Variants in ENPP2 observed in about 807,000 individuals in gnomAD.
ENPP2 encodes ectonucleotide pyrophosphatase/phosphodiesterase 2.
A neutral mutation model predicts 120.2 loss-of-function variants in ENPP2; 51 were observed. That is an observed-to-expected ratio of 0.42 (90% CI 0.34 to 0.54). The LOEUF (loss-of-function observed/expected upper bound fraction) is 0.54. Ranked by LOEUF, ENPP2 falls within the 20% of genes least tolerant of loss-of-function variation. The pLI is 0.04. For synonymous variants in ENPP2, 365 were observed against 366.4 expected (o/e 1.00, Z 0.04); for missense variants, 920 against 1,066.5 (o/e 0.86, Z 1.91).
chr8:119,584,511 A>G (rs766617458), intron 15 of ENPP2, among the ~76,000 whole-genome samples: 2 of 152,232 alleles, frequency 1.3e-5, no homozygotes, highest in African/African-American at 2.4e-5. Flanking sequence ...AAAATTTAAA[A>G]TAAAATAAAT....
upstream of ENPP2, among the ~76,000 whole-genome samples, chr8:119,643,311 C>T (rs1817337843): frequency 2.0e-5 from 3 of 152,258 alleles, no homozygotes; most frequent in South Asian, 6.2e-4. Context: ...CAATTGCTCC[C>T]ACAATCCAGG....
chr8:119,662,681 C>A (rs1240435313), intron 1 of ENPP2, among the ~76,000 whole-genome samples: 2 of 152,208 alleles, frequency 1.3e-5, no homozygotes, highest in Non-Finnish European at 2.9e-5. Context: ...AAAACTTTGA[C>A]ACGTGCTGGA....
chr8:119,616,845 T>C (rs1815488961), intron 7 of ENPP2, among the ~76,000 whole-genome samples: 2 of 152,200 alleles, frequency 1.3e-5, no homozygotes, highest in Admixed American at 6.5e-5. Flanking sequence ...AATTAAAATA[T>C]AGCCCTGAAG....
At chr8:119,663,497 G>C (rs1396413783) in intron 1 of ENPP2, among the ~76,000 whole-genome samples, 1 of 152,102 alleles carries the variant, frequency 6.6e-6, no homozygotes, top group Non-Finnish European at 1.5e-5. Flanking sequence ...TATTGTTTTT[G>C]TCTCTTTTGT....
intron 19 of ENPP2, among the ~76,000 whole-genome samples, chr8:119,577,971 G>C (rs1021496875): frequency 6.6e-6 from 1 of 152,196 alleles, no homozygotes; most frequent in African/African-American, 2.4e-5. Flanking sequence ...ATAGCCCTGA[G>C]AGTCAGTGAT....
At chr8:119,623,091 G>T (rs974296314) in intron 3 of ENPP2, among the ~76,000 whole-genome samples, 2 of 152,130 alleles carry the variant, frequency 1.3e-5, no homozygotes, top group Non-Finnish European at 2.9e-5. Context: ...TAAGTGGAAA[G>T]AAATGATTTT....
Position 119,617,144 on chromosome 8 carries a change from T to G in ENPP2, c.657+20A>C. The G allele has an allele frequency of 6.7e-7, 1 of 1,492,548 alleles. No homozygotes were observed. The highest frequency in any genetic ancestry group is 1.1e-5 in the South Asian group (1 of 88,642). 92.5% of individuals were successfully genotyped at this position (1,492,548 alleles called of 1,614,324 possible). A position where few individuals can be genotyped will look rare whatever the true frequency, so the allele number is the denominator to read the frequency against. On this transcript the variant is annotated intron_variant, in intron 7 of 24. Transcript: ENST00000075322. Reference sequence around the variant, plus strand: ...ATGAAATCAGCCCTTTGAATGTGTATCATTCGAAAAAATACTTACAGTGGC... The same window carrying G: ...ATGAAATCAGCCCTTTGAATGTGTAGCATTCGAAAAAATACTTACAGTGGC...
chr8:119,604,706 A>G (rs1399255682), intron 9 of ENPP2, among the ~76,000 whole-genome samples: 1 of 152,172 alleles, frequency 6.6e-6, no homozygotes, highest in Non-Finnish European at 1.5e-5. Flanking sequence ...TAAGAAAACA[A>G]ATACCATTTA....
chr8:119,589,940 T>A (rs998353486), intron 13 of ENPP2, among the ~76,000 whole-genome samples: 1 of 152,192 alleles, frequency 6.6e-6, no homozygotes, highest in Non-Finnish European at 1.5e-5. Flanking sequence ...TATTCCTGTT[T>A]ATTTTTATTT....
intron 1 of ENPP2, among the ~76,000 whole-genome samples, chr8:119,655,400 T>C (rs957067105): frequency 1.3e-5 from 2 of 152,180 alleles, no homozygotes; most frequent in African/African-American, 4.8e-5. Flanking sequence ...CTTCCATTGC[T>C]CTTATGAGAG....
chr8:119,567,079 G>GC (rs1325461104), intron 22 of ENPP2, among the ~76,000 whole-genome samples: 1 of 152,122 alleles, frequency 6.6e-6, no homozygotes, highest in Non-Finnish European at 1.5e-5. Context: ...CTCCCTTTCA[G>GC]CCCTGAGAGT....
chr8:119,596,813 C>A (rs979750791), intron 11 of ENPP2, among the ~76,000 whole-genome samples: 1 of 152,112 alleles, frequency 6.6e-6, no homozygotes, highest in African/African-American at 2.4e-5. Context: ...TTTTAAGGGG[C>A]GTTGCATGCT....
At position 119,584,820 on chromosome 8, in the gene ENPP2, A is replaced by C. The variant is rs925721764; in HGVS notation, c.1368-771T>G. ...AATAGCTTTCATGTTAATTTAATAC[A>C]AATATTTCCTAAGTACCTATGGGTA... On this transcript the variant is annotated intron_variant, in intron 15 of 24. Coordinates refer to ENST00000075322, the MANE Select transcript of ENPP2 (RefSeq NM_001040092.3). Among the ~76,000 whole-genome samples the C allele has an allele frequency of 3.9e-5, 6 of 152,208 alleles. No homozygotes were observed. In the East Asian group the frequency reaches 9.6e-4, roughly 24 times the overall value.
chr8:119,612,036 AT>A (rs1207275147), intron 8 of ENPP2, among the ~76,000 whole-genome samples: 11 of 152,114 alleles, frequency 7.2e-5, no homozygotes, highest in Admixed American at 7.2e-4. Context: ...CTCAAAAAAA[AT>A]AAAAATAAAA....
intron 24 of ENPP2, among the ~76,000 whole-genome samples, chr8:119,561,815 T>G (rs867967463): frequency 2.0e-4 from 24 of 121,702 alleles, no homozygotes; most frequent in Non-Finnish European, 3.5e-4. Context: ...GTGTGTGTGT[T>G]TGTGTGTGTG....
intron 2 of ENPP2, among the ~76,000 whole-genome samples, chr8:119,627,646 G>A (rs532868474): frequency 6.6e-6 from 1 of 152,144 alleles, no homozygotes; most frequent in South Asian, 2.1e-4. Flanking sequence ...TGGATCATCT[G>A]AGGTCAGGAG....
chr8:119,652,458 A>AT (rs796631418), intron 1 of ENPP2, among the ~76,000 whole-genome samples: 8 of 152,198 alleles, frequency 5.3e-5, no homozygotes, highest in African/African-American at 1.9e-4. Context: ...TGTCCTGCAG[A>AT]TTTTTTGCAG....
chr8:119,669,670 G>T (rs910917765), intron 1 of ENPP2, among the ~76,000 whole-genome samples: 7 of 152,204 alleles, frequency 4.6e-5, no homozygotes, highest in Non-Finnish European at 1.0e-4. Context: ...ACTCAAAGGA[G>T]TCTCAGAGTT....
intron 19 of ENPP2, among the ~76,000 whole-genome samples, chr8:119,576,060 G>A (rs890002268): frequency 6.6e-6 from 1 of 152,168 alleles, no homozygotes; most frequent in Non-Finnish European, 1.5e-5. Flanking sequence ...ATTGACAAGA[G>A]CTAAAGAAGA....
Sources: gnomAD v4.1 joint callset for allele counts (sites outside exome capture counted in the v4.1 genomes callset) on GRCh38, gnomAD v4.1.1 for gene constraint, MANE v1.5 for transcripts, NCBI Gene and HGNC (gene_info 2026-07-23, HGNC 2026-07-21) for gene names.